Variants in KCTD10 observed in about 807,000 individuals in gnomAD.
KCTD10 encodes the protein potassium channel tetramerization domain containing 10, also known as BTB/POZ domain-containing adapter for CUL3-mediated RhoA degradation protein 3.
A neutral mutation model predicts 34.6 loss-of-function variants in KCTD10; 13 were observed. The ratio of observed to expected loss-of-function variants is 0.38; its 90% CI spans 0.24 to 0.60. The LOEUF (loss-of-function observed/expected upper bound fraction) is 0.60, where lower values mean the gene tolerates loss of function less well. Among genes scored for constraint, KCTD10 ranks in the 20% least tolerant of loss-of-function variants. The pLI, the probability that KCTD10 is intolerant of heterozygous loss-of-function variation, is 0.66. For synonymous variants in KCTD10, 156 were observed against 168.8 expected, an observed-to-expected ratio of 0.92 and a Z score of 0.59; for missense variants, 256 against 420.3, an observed-to-expected ratio of 0.61 and a Z score of 3.42.
intron 3 of KCTD10, 48 bp from the exon 4 acceptor site, chr12:109,458,126 G>A: frequency 2.0e-6 from 3 of 1,496,172 alleles, no homozygotes; most frequent in Non-Finnish European, 2.8e-6. Flanking sequence ...GCCTAGCACT[G>A]CATTTTTAAA....
intron 1 of KCTD10, chr12:109,470,479 C>T (rs1433517526): frequency 2.8e-5 from 28 of 985,342 alleles, no homozygotes; most frequent in Middle Eastern, 5.2e-4. Context: ...GGCTGATTTA[C>T]GCAGGCCTGG....
intron 1 of KCTD10, among the ~76,000 whole-genome samples, chr12:109,476,296 G>A (rs1874254582): frequency 6.6e-6 from 1 of 152,206 alleles, no homozygotes. Flanking sequence ...GAGCGGACTA[G>A]TCAACGTCAG....
At chr12:109,477,149 C>A (rs1874409448) in intron 1 of KCTD10, 111 bp downstream of exon 1, 1 of 1,172,832 alleles carries the variant, frequency 8.5e-7, no homozygotes, top group East Asian at 4.3e-5. Context: ...TCTCCACTAT[C>A]GTGACTGCCC....
intron 1 of KCTD10, 42 bp from the exon 2 acceptor site, chr12:109,469,770 T>A: frequency 6.2e-7 from 1 of 1,607,020 alleles, no homozygotes; most frequent in Non-Finnish European, 8.5e-7. Flanking sequence ...TCAGGCCTGG[T>A]TGACTGCTTT....
Position 109,451,618 on chromosome 12 carries a change from C to A in KCTD10, c.919G>T (p.Asp307Tyr). ...GCTCACTGGTGGAGGTGGGCCCGGT[C>A]ATCAGGGCGCTTGATGTGGATCCTC... ...VRRIHIKRPD[D>Y]RAHLHQ Residue 307 changes from aspartate to tyrosine, a missense_variant, in exon 7 of 7, where the codon GAC (aspartate) becomes TAC (tyrosine). This residue lies in a region of KCTD10 where 60 missense variants were observed against 89.0 expected (regional missense o/e 0.67). Coordinates refer to ENST00000228495, the MANE Select transcript of KCTD10 (RefSeq NM_031954.5). The surrounding 1 kb of genome is among the most constrained non-coding windows in gnomAD (Gnocchi z 5.0). The A allele has an allele frequency of 6.2e-7, 1 of 1,609,318 alleles. No homozygotes were observed. The highest frequency in any genetic ancestry group is 1.1e-5 in the South Asian group (1 of 90,796).
intron 6 of KCTD10, among the ~76,000 whole-genome samples, chr12:109,455,711 C>A (rs1872980335): frequency 6.6e-6 from 1 of 152,210 alleles, no homozygotes; most frequent in Admixed American, 6.5e-5. Flanking sequence ...AATTGCAGAG[C>A]CCCAAAAGGG....
chr12:109,458,068 G>GT lies in KCTD10; in HGVS notation c.397dup (p.Thr133AsnfsTer3). 1 of 1,614,000 alleles carries GT rather than the reference G, an allele frequency of 6.2e-7. No homozygotes were observed. Among genetic ancestry groups the GT allele is most frequent in the South Asian group, 1.1e-5 (1 of 91,086 alleles). ...AGGGACCTTGCAGAAAGGCTCATAA[G>GT]TATCTTTGTTCTGCTGGAACAAAAC... On this transcript the variant is annotated frameshift_variant, in exon 4 of 7. Transcript: ENST00000228495. LOFTEE classifies it high-confidence loss of function.
rs1872615141 is a variant in KCTD10 at position 109,448,879 on chromosome 12, G to A, written c.*2716C>T. 1 of 152,212 alleles carries A rather than the reference G, an allele frequency of 6.6e-6. No homozygotes were observed. Among genetic ancestry groups the A allele is most frequent in the African/African-American group, 2.4e-5 (1 of 41,448 alleles). 9.4% of individuals were successfully genotyped at this position (152,212 alleles called of 1,614,324 possible). ...TCCTGAATCGCTGTTGTAAGGTACA[G>A]AGACACACTTTAACTGGGGAATGGG... On this transcript the variant is annotated 3_prime_UTR_variant, in exon 7 of 7. Coordinates refer to ENST00000228495, the MANE Select transcript of KCTD10 (RefSeq NM_031954.5).
intron 2 of KCTD10, among the ~76,000 whole-genome samples, chr12:109,461,139 CT>C (rs1425266766): frequency 6.6e-6 from 1 of 152,250 alleles, no homozygotes; most frequent in Non-Finnish European, 1.5e-5. Flanking sequence ...TGTACCACAC[CT>C]GGGTAAAACA....
At chr12:109,471,364 G>A in intron 1 of KCTD10, 5 of 985,450 alleles carry the variant, frequency 5.1e-6, no homozygotes, top group Non-Finnish European at 6.0e-6. Context: ...GATATCACCT[G>A]CCATGTCAGG....
intron 2 of KCTD10, among the ~76,000 whole-genome samples, chr12:109,465,114 C>T (rs1018291648): frequency 3.9e-5 from 6 of 152,146 alleles, no homozygotes; most frequent in Non-Finnish European, 5.9e-5. Flanking sequence ...CTCCCACGCA[C>T]GGGGAAAGCG....
chr12:109,457,841 G>T, intron 4 of KCTD10, 151 bp downstream of exon 4: 1 of 984,232 alleles, frequency 1.0e-6, no homozygotes, highest in Non-Finnish European at 1.6e-6. Flanking sequence ...CAATAGCAGG[G>T]GCACAAAAGA....
intron 1 of KCTD10, among the ~76,000 whole-genome samples, chr12:109,473,371 C>T (rs565445881): frequency 1.5e-3 from 234 of 152,284 alleles, no homozygotes; most frequent in African/African-American, 5.5e-3. Context: ...TGTCCAGGGC[C>T]AAAAGCCTCA....
chr12:109,475,145 C>T (rs371077296), intron 1 of KCTD10, among the ~76,000 whole-genome samples: 1 of 152,098 alleles, frequency 6.6e-6, no homozygotes, highest in South Asian at 2.1e-4. Context: ...TGGTTCCCAA[C>T]CCTGGCTACT....
At position 109,477,287 on chromosome 12, in the gene KCTD10, T is replaced by C. The variant is rs776694775; in HGVS notation, c.-25A>G. The C allele has an allele frequency of 1.2e-6, 2 of 1,613,712 alleles. No individual in the cohort carries two copies. Among genetic ancestry groups the C allele is most frequent in the Admixed American group, 3.3e-5 (2 of 59,964 alleles). ...TGAAAAGTCGGAGGACGCAGGAGTCTCCAAACCCGGACTGAGAGAGGCAGG... is the reference window on the plus strand; with the variant it reads ...TGAAAAGTCGGAGGACGCAGGAGTCCCCAAACCCGGACTGAGAGAGGCAGG... On this transcript the variant is annotated 5_prime_UTR_variant, in exon 1 of 7. Coordinates refer to ENST00000228495, the MANE Select transcript of KCTD10 (RefSeq NM_031954.5).
chr12:109,470,266 T>C (rs781722444), intron 1 of KCTD10: 2 of 969,860 alleles, frequency 2.1e-6, no homozygotes, highest in African/African-American at 1.8e-5. Context: ...TGAAGTTGAA[T>C]GGGATTCCAG....
At chr12:109,464,695 C>T (rs1240076166) in intron 2 of KCTD10, 5 of 344,398 alleles carry the variant, frequency 1.5e-5, no homozygotes, top group African/African-American at 1.1e-4. Flanking sequence ...AAAGATTAAA[C>T]TCAAAAGAGC....
At position 109,450,350 on chromosome 12, in the gene KCTD10, AG is replaced by A. The variant is rs1462281981; in HGVS notation, c.*1244del. 5.7e-6 allele frequency: 2 copies of A among 353,164 alleles called. No individual in the cohort carries two copies. The highest frequency in any genetic ancestry group is 9.7e-6 in the Non-Finnish European group (2 of 206,468). The allele number at this position is 353,164 out of a possible 1,614,324, so 21.9% of individuals were successfully genotyped here. ...GCGCTGCGCCCAGCCGGGCTCCAGC[AG>A]GGGCCGCCACCTGTGCCCCACAAGC... On this transcript the variant is annotated 3_prime_UTR_variant, in exon 7 of 7. Coordinates refer to ENST00000228495, the MANE Select transcript of KCTD10 (RefSeq NM_031954.5).
At position 109,460,727 on chromosome 12, in the gene KCTD10, G is replaced by C; in HGVS notation, c.296C>G (p.Pro99Arg). ...NYLRDGAVPL[P>R]ESRREIEELL... is the part of the protein sequence containing the mutation. Reference sequence around the variant, plus strand: ...CTCCTCGATCTCCCGGCGGCTCTCGGGTAAAGGCACCGCCCCGTCTCGAAG... The same window carrying C: ...CTCCTCGATCTCCCGGCGGCTCTCGCGTAAAGGCACCGCCCCGTCTCGAAG... The change falls in exon 3 of 7, where the codon CCC becomes CGC. Residue 99 changes from proline to arginine, a missense_variant. This residue lies in a region of KCTD10 where 155 missense variants were observed against 207.0 expected (regional missense o/e 0.75). Transcript: ENST00000228495. This position sits in a 1 kb window ranked among gnomAD's most constrained non-coding sequence, Gnocchi z 4.5. 1 of 1,614,150 alleles carries C rather than the reference G, an allele frequency of 6.2e-7. No individual in the cohort carries two copies. The highest frequency in any genetic ancestry group is 2.2e-5 in the East Asian group (1 of 44,876).
Sources: allele counts gnomAD v4.1 joint callset (sites outside exome capture counted in the v4.1 genomes callset), GRCh38; gene constraint gnomAD v4.1.1; regional missense constraint gnomAD v4.1.1; non-coding constraint Gnocchi (gnomAD v3.1); transcripts MANE v1.5; gene names NCBI Gene and HGNC (gene_info 2026-07-23, HGNC 2026-07-21).